ETV7: variants seen among roughly 807,000 people sequenced by gnomAD.
The protein encoded by ETV7 is ETS variant transcription factor 7.
In ETV7, 43 loss-of-function variants were observed where a neutral mutation model predicts 39.1. That is an observed-to-expected ratio of 1.10 (90% CI 0.86 to 1.42). ETV7 has a LOEUF of 1.42. Ranked by LOEUF, ETV7 falls within the 40% of genes most tolerant of loss-of-function variation. The pLI is 0.00. For missense variants in ETV7, 432 were observed against 442.3 expected (o/e 0.98, Z 0.21); for synonymous variants, 196 against 176.6 (o/e 1.11, Z -0.87).
chr6:36,362,868 AACCC>A (rs577612415), downstream of ETV7, among the ~76,000 whole-genome samples: 37 of 152,326 alleles, frequency 2.4e-4, no homozygotes, highest in South Asian at 2.5e-3. Flanking sequence ...GACATCCATC[AACCC>A]ACCAGCAGGC....
intron 7 of ETV7, among the ~76,000 whole-genome samples, chr6:36,360,339 G>A (rs185690576): frequency 1.3e-5 from 2 of 152,318 alleles, no homozygotes; most frequent in East Asian, 1.9e-4. Flanking sequence ...CATAAGAAGA[G>A]GAGATAAGAA....
intron 7 of ETV7, among the ~76,000 whole-genome samples, chr6:36,355,451 G>T (rs941053027): frequency 4.6e-5 from 7 of 151,962 alleles, no homozygotes; most frequent in Admixed American, 1.3e-4. Context: ...GAGTGCAGTG[G>T]CATGATCTTA....
intron 2 of ETV7, among the ~76,000 whole-genome samples, chr6:36,380,786 A>G (rs2127400348): frequency 6.6e-6 from 1 of 152,304 alleles, no homozygotes; most frequent in South Asian, 2.1e-4. Flanking sequence ...GCTCAATAAA[A>G]ATAAATTGCT....
chr6:36,362,031 G>A (rs1582164493), downstream of ETV7, among the ~76,000 whole-genome samples: 1 of 152,186 alleles, frequency 6.6e-6, no homozygotes, highest in East Asian at 1.9e-4. Flanking sequence ...GGGCGCGGTG[G>A]CTCACACCTG....
At chr6:36,377,900 G>A (rs1773456924) in intron 2 of ETV7, among the ~76,000 whole-genome samples, 1 of 152,160 alleles carries the variant, frequency 6.6e-6, no homozygotes, top group Non-Finnish European at 1.5e-5. Flanking sequence ...GTTTAAGAGT[G>A]AGGAAAGGTT....
At chr6:36,362,839 G>A (rs1488124343), downstream of ETV7, among the ~76,000 whole-genome samples, 4 of 152,176 alleles carry the variant, frequency 2.6e-5, no homozygotes, top group Non-Finnish European at 5.9e-5. Flanking sequence ...AGGCCTCATC[G>A]CTGGGAAATG....
chr6:36,362,684 G>T (rs891861672), downstream of ETV7, among the ~76,000 whole-genome samples: 1 of 152,340 alleles, frequency 6.6e-6, no homozygotes, highest in African/African-American at 2.4e-5. Context: ...TCTCCCTGGG[G>T]AGATGGAGAA....
chr6:36,367,094 G>A (rs1772765120), intron 6 of ETV7, 119 bp from the exon 7 acceptor site: 2 of 772,320 alleles, frequency 2.6e-6, no homozygotes, highest in African/African-American at 1.7e-5. Context: ...GGATCTGTGA[G>A]GGTTTATGAG....
rs762834204 is a variant in ETV7 at position 36,366,680 on chromosome 6, C to T, written c.991G>A (p.Glu331Lys). ...ATTTCTGGCCTCTTGTCCTTGAACT[C>T]TATTCTGTCCTGCTCCTGGCTCTCC... ...PLESQEQDRIEFKDKRPEISP is the reference protein window; with the variant it reads ...PLESQEQDRIKFKDKRPEISP The change falls in exon 8 of 8, where the codon GAG (glutamate) becomes AAG (lysine). Residue 331 changes from glutamate (E) to lysine (K), a missense_variant. By Grantham distance (56) the Glu-to-Lys change is moderately conservative. Coordinates refer to ENST00000340181, the MANE Select transcript of ETV7 (RefSeq NM_016135.4). The T allele has an allele frequency of 6.2e-7, 1 of 1,614,168 alleles. No homozygotes were observed. Among genetic ancestry groups the T allele is most frequent in the East Asian group, 2.2e-5 (1 of 44,872 alleles).
intron 2 of ETV7, among the ~76,000 whole-genome samples, chr6:36,378,318 A>C (rs1773480939): frequency 6.6e-6 from 1 of 152,152 alleles, no homozygotes; most frequent in African/African-American, 2.4e-5. Context: ...TCACATTCAC[A>C]AAAATCAATT....
In ETV7 at chr6:36,371,530, C is replaced by T. The variant is rs151011956; in HGVS notation, c.464G>A (p.Arg155Gln). Residue 155 changes from arginine (R) to glutamine (Q), a missense_variant, in exon 5 of 8, where the codon CGA (arginine) becomes CAA (glutamine). Coordinates refer to ENST00000340181, the MANE Select transcript of ETV7 (RefSeq NM_016135.4). ...EVTGPSQMDT[R>Q]RGHLLQPPDP... ...TGGTGGCTGCAGCAGGTGGCCCCTT[C>T]GGGTGTCCATCTGAGAGGGGCCAGT... The T allele has an allele frequency of 4.9e-5, 78 of 1,601,570 alleles. No homozygotes were observed. The highest frequency in any genetic ancestry group is 2.8e-4 in the Admixed American group (16 of 58,144).
downstream of ETV7, among the ~76,000 whole-genome samples, chr6:36,364,905 C>T (rs1350779261): frequency 6.6e-6 from 1 of 152,174 alleles, no homozygotes; most frequent in East Asian, 1.9e-4. Context: ...ATCCTTTTTC[C>T]AAAGCCACCT....
chr6:36,363,391 T>G (rs370195649), downstream of ETV7, among the ~76,000 whole-genome samples: 24 of 149,454 alleles, frequency 1.6e-4, no homozygotes, highest in South Asian at 8.9e-4. Flanking sequence ...CGTGGGCTCA[T>G]GGGCTCGCTG....
chr6:36,364,805 G>A (rs1248040017), downstream of ETV7, among the ~76,000 whole-genome samples: 1 of 152,242 alleles, frequency 6.6e-6, no homozygotes, highest in Non-Finnish European at 1.5e-5. Flanking sequence ...AATAAGAGAG[G>A]CCATGGGGCA....
rs557798388 is a variant in ETV7 at position 36,380,627 on chromosome 6, G to A, written c.143-4592C>T. Among the ~76,000 whole-genome samples the A allele has an allele frequency of 5.9e-5, 9 of 152,248 alleles. No homozygotes were observed. In the South Asian group the frequency reaches 1.2e-3, roughly 21 times the overall value. ...CCCCTCCACCTCCCAGCTATATCAC[G>A]TCCACTGCCCTTATCTGTGGACATA... is the stretch of plus-strand genomic sequence containing the variant. On this transcript the variant is annotated intron_variant, in intron 2 of 7. Transcript: ENST00000340181.
At chr6:36,384,131 C>T (rs961106284) in intron 2 of ETV7, among the ~76,000 whole-genome samples, 1 of 152,222 alleles carries the variant, frequency 6.6e-6, no homozygotes, top group African/African-American at 2.4e-5. Flanking sequence ...ACCAAAAGAA[C>T]ACCTTTGGGA....
At chr6:36,359,253 C>A (rs77837689) in intron 7 of ETV7, among the ~76,000 whole-genome samples, 1,625 of 152,178 alleles carry the variant, frequency 0.011, 25 homozygotes, top group South Asian at 0.052. Flanking sequence ...GAGTTCAAGA[C>A]CAGCCTGACC....
At chr6:36,363,442 C>T (rs1305270592), downstream of ETV7, among the ~76,000 whole-genome samples, 1 of 151,960 alleles carries the variant, frequency 6.6e-6, no homozygotes, top group Non-Finnish European at 1.5e-5. Flanking sequence ...GTGAGTGTTA[C>T]AGCTCTTAAA....
At chr6:36,361,110 T>G (rs1772476930) in intron 7 of ETV7, among the ~76,000 whole-genome samples, 1 of 152,168 alleles carries the variant, frequency 6.6e-6, no homozygotes, top group South Asian at 2.1e-4. Context: ...ATTCGGGACT[T>G]TAAAAAAATC....
Sources: gnomAD v4.1 joint callset for allele counts (sites outside exome capture counted in the v4.1 genomes callset) on GRCh38, gnomAD v4.1.1 for gene constraint, MANE v1.5 for transcripts, NCBI Gene and HGNC (gene_info 2026-07-23, HGNC 2026-07-21) for gene names.